HM13: variants seen among roughly 807,000 people sequenced by gnomAD.
The protein encoded by HM13 is signal peptide peptidase.
A neutral mutation model predicts 50.0 loss-of-function variants in HM13; 18 were observed. That is an observed-to-expected ratio of 0.36 (90% CI 0.25 to 0.53). HM13 has a LOEUF of 0.53. Among genes scored for constraint, HM13 ranks in the 20% least tolerant of loss-of-function variants. The probability of loss-of-function intolerance (pLI) is 0.90; values close to 1 mark genes in which losing one functional copy is unlikely to be tolerated. For missense variants in HM13, 393 were observed against 552.4 expected, an observed-to-expected ratio of 0.71 and a Z score of 2.89; for synonymous variants, 197 against 232.6, an observed-to-expected ratio of 0.85 and a Z score of 1.39.
chr20:31,562,147 T>G (rs955627818), intron 10 of HM13, among the ~76,000 whole-genome samples: 3 of 151,848 alleles, frequency 2.0e-5, no homozygotes, highest in African/African-American at 7.3e-5. Context: ...GGGTGTTGGG[T>G]ATTGGGGCGT....
At position 31,514,605 on chromosome 20, in the gene HM13, C is replaced by T; in HGVS notation, c.54C>T (p.Pro18=). Residue 18 remains proline (P), a synonymous_variant, in exon 1 of 13, where the codon CCC becomes CCT. Coordinates refer to ENST00000398174, the MANE Select transcript of HM13 (RefSeq NM_178581.3). The surrounding 1 kb of genome is among the most constrained non-coding windows in gnomAD (Gnocchi z 4.3). ...PHNGSAEAGG[P]TNSTTRPPST... ...ACGGCAGTGCCGAGGCAGGCGGCCC[C>T]ACCAACAGCACTACGCGGCCGCCTT... is the stretch of plus-strand genomic sequence containing the variant. The T allele has an allele frequency of 3.7e-6, 6 of 1,600,126 alleles. No individual in the cohort carries two copies. The highest frequency in any genetic ancestry group is 5.1e-6 in the Non-Finnish European group (6 of 1,175,110).
At chr20:31,557,059 A>G (rs1320730310) in intron 8 of HM13, among the ~76,000 whole-genome samples, 2 of 151,674 alleles carry the variant, frequency 1.3e-5, no homozygotes, top group African/African-American at 4.8e-5. Context: ...TACTTTTTAT[A>G]TGTCATCTTT....
intron 3 of HM13, among the ~76,000 whole-genome samples, chr20:31,544,626 T>C (rs1406866754): frequency 6.6e-6 from 1 of 152,240 alleles, no homozygotes; most frequent in Admixed American, 6.5e-5. Flanking sequence ...GATCCTCTGC[T>C]CTCCCAAAAA....
chr20:31,566,133 G>A, intron 10 of HM13, 77 bp from the exon 11 acceptor site: 2 of 1,060,652 alleles, frequency 1.9e-6, no homozygotes, highest in Non-Finnish European at 2.8e-6. Flanking sequence ...CAGCCCAGAA[G>A]GGGTTTGGGG....
chr20:31,525,955 C>T (rs1982464594), intron 1 of HM13, among the ~76,000 whole-genome samples: 1 of 151,896 alleles, frequency 6.6e-6, no homozygotes, highest in South Asian at 2.1e-4. Context: ...GTGAAACCCC[C>T]TCTCTGCAAA....
rs774222123 is a variant in HM13, at chr20:31,568,081, C to G, written c.1038C>G (p.Tyr346Ter). Residue 346 changes from tyrosine to a stop codon, truncating the protein, a stop_gained, in exon 12 of 13, where the codon TAC (tyrosine) becomes TAG (stop). Coordinates refer to ENST00000398174, the MANE Select transcript of HM13 (RefSeq NM_178581.3). LOFTEE classifies it high-confidence loss of function. The part of the protein sequence containing the change: ...AKGEVTEMFS[Y>*]ESSAEILPHT... ...CTCTTCTCTCTCTCTCACACAGCTA[C>G]GAGTCCTCGGCGGAAATCCTGCCTC... 3 of 1,608,282 alleles carry G rather than the reference C, an allele frequency of 1.9e-6. No individual in the cohort carries two copies. The highest frequency in any genetic ancestry group is 3.4e-5 in the Admixed American group (2 of 59,360).
chr20:31,561,274 G>C (rs969350135), intron 9 of HM13, among the ~76,000 whole-genome samples: 2 of 152,120 alleles, frequency 1.3e-5, no homozygotes, highest in Middle Eastern at 3.2e-3. Context: ...CAGACTCCCT[G>C]GGGGTGGGAC....
At chr20:31,552,131 A>G (rs1984067146) in intron 7 of HM13, among the ~76,000 whole-genome samples, 1 of 152,130 alleles carries the variant, frequency 6.6e-6, no homozygotes, top group African/African-American at 2.4e-5. Flanking sequence ...AGCAACAGCT[A>G]TTCCCCAGTG....
intron 10 of HM13, among the ~76,000 whole-genome samples, chr20:31,564,568 C>T (rs1339306467): frequency 3.3e-5 from 5 of 151,362 alleles, no homozygotes; most frequent in African/African-American, 1.2e-4. Context: ...CAAAGTGAGA[C>T]CCTGTCTCAA....
At chr20:31,532,108 T>TC (rs1181058477) in intron 2 of HM13, among the ~76,000 whole-genome samples, 2 of 151,922 alleles carry the variant, frequency 1.3e-5, no homozygotes, top group African/African-American at 2.4e-5. Flanking sequence ...TTTTTTTTTT[T>TC]CTTTTTTTCT....
At chr20:31,521,113 C>A (rs1308965799) in intron 1 of HM13, among the ~76,000 whole-genome samples, 1 of 152,204 alleles carries the variant, frequency 6.6e-6, no homozygotes, top group Non-Finnish European at 1.5e-5. Context: ...GTTAAAAAAT[C>A]GCAATTGGAT....
intron 11 of HM13, 91 bp downstream of exon 11, chr20:31,566,386 C>T: frequency 9.7e-7 from 1 of 1,029,802 alleles, no homozygotes; most frequent in South Asian, 1.3e-5. Flanking sequence ...TTACACCTCT[C>T]CAGGGGAACA....
intron 7 of HM13, among the ~76,000 whole-genome samples, chr20:31,552,160 G>T (rs1183512932): frequency 2.6e-5 from 4 of 152,160 alleles, no homozygotes; most frequent in African/African-American, 9.7e-5. Flanking sequence ...GTTGAGCCTG[G>T]GGGTGTGTAA....
chr20:31,518,838 T>C (rs1318741961), intron 1 of HM13, among the ~76,000 whole-genome samples: 1 of 151,814 alleles, frequency 6.6e-6, no homozygotes, highest in African/African-American at 2.4e-5. Context: ...AGTGAGACCC[T>C]GTCTCAAAAA....
In HM13 at chr20:31,545,047, C is replaced by T; in HGVS notation, c.454+12C>T. The T allele has an allele frequency of 6.2e-7, 1 of 1,600,998 alleles. No individual in the cohort carries two copies. The highest frequency in any genetic ancestry group is 1.1e-5 in the South Asian group (1 of 90,814). On this transcript the variant is annotated intron_variant, in intron 4 of 12. Transcript: ENST00000398174. ...GGAAAACAAGGAAGGTCAGTGCTAA[C>T]CACTTTCCCCTGTAGTGTGCCTTGG...
intron 7 of HM13, among the ~76,000 whole-genome samples, chr20:31,554,305 T>C (rs1600659630): frequency 6.6e-6 from 1 of 151,320 alleles, no homozygotes; most frequent in East Asian, 1.9e-4. Context: ...GAGGTTGCAG[T>C]GAGCCAAGAT....
chr20:31,548,634 C>T, intron 4 of HM13: 1 of 269,456 alleles, frequency 3.7e-6, no homozygotes, highest in Non-Finnish European at 7.3e-6. Flanking sequence ...CTTATTCCCC[C>T]ACAGCAGCCC....
At chr20:31,541,249 G>A (rs937463085) in intron 3 of HM13, 1 of 152,044 alleles carries the variant, frequency 6.6e-6, no homozygotes, top group Non-Finnish European at 1.5e-5. Flanking sequence ...GGGAACCCTA[G>A]GCTGTTGGAT....
chr20:31,547,826 G>T (rs1384301792), intron 4 of HM13: 8 of 936,064 alleles, frequency 8.5e-6, no homozygotes, highest in Non-Finnish European at 1.4e-5. Context: ...GTACTCAGTG[G>T]CGCAAATATT....
Sources: gnomAD v4.1 joint callset for allele counts (sites outside exome capture counted in the v4.1 genomes callset) on GRCh38, gnomAD v4.1.1 for gene constraint, Gnocchi (gnomAD v3.1) non-coding constraint, MANE v1.5 for transcripts, NCBI Gene and HGNC (gene_info 2026-07-23, HGNC 2026-07-21) for gene names.